Variants in ELAVL4 observed in about 807,000 individuals in gnomAD.
The protein encoded by ELAVL4 is ELAV-like protein 4.
In ELAVL4, 1 loss-of-function variant was observed where a neutral mutation model predicts 35.6. That is an observed-to-expected ratio of 0.03 (90% CI 0.01 to 0.13). The LOEUF is 0.13. Ranked by LOEUF, ELAVL4 falls within the 10% of genes least tolerant of loss-of-function variation. ELAVL4 has a pLI of 1.00. For missense variants in ELAVL4, 267 were observed against 464.9 expected (o/e 0.57, Z 3.91); for synonymous variants, 156 against 171.0 (o/e 0.91, Z 0.69).
At chr1:50,164,524 G>A (rs1262104120) in intron 2 of ELAVL4, among the ~76,000 whole-genome samples, 3 of 152,210 alleles carry the variant, frequency 2.0e-5, no homozygotes, top group African/African-American at 7.2e-5. Flanking sequence ...GGACTTTGAG[G>A]TCAGGCACAG....
chr1:50,118,294 G>A (rs147808679), intron 1 of ELAVL4, among the ~76,000 whole-genome samples: 3 of 152,046 alleles, frequency 2.0e-5, no homozygotes, highest in East Asian at 3.9e-4. Context: ...TGTTTCTCAC[G>A]GAATGGTGAA....
At chr1:50,121,049 T>C (rs1668947108) in intron 1 of ELAVL4, among the ~76,000 whole-genome samples, 1 of 152,096 alleles carries the variant, frequency 6.6e-6, no homozygotes, top group Non-Finnish European at 1.5e-5. Flanking sequence ...CAATGTCTAA[T>C]ACATAGTAAG....
At chr1:50,162,587 C>T (rs548746975) in intron 2 of ELAVL4, among the ~76,000 whole-genome samples, 4 of 152,108 alleles carry the variant, frequency 2.6e-5, no homozygotes, top group African/African-American at 9.6e-5. Context: ...GTTGTTGTTG[C>T]GTTGATGTTA....
intron 2 of ELAVL4, among the ~76,000 whole-genome samples, chr1:50,152,466 T>C (rs1438408078): frequency 6.6e-6 from 1 of 152,030 alleles, no homozygotes; most frequent in Admixed American, 6.6e-5. Flanking sequence ...CCCTTCTCTG[T>C]AGAATGCCCT....
chr1:50,154,421 G>C (rs940415363), intron 2 of ELAVL4, among the ~76,000 whole-genome samples: 1 of 152,104 alleles, frequency 6.6e-6, no homozygotes, highest in Non-Finnish European at 1.5e-5. Flanking sequence ...TGAGTTTTCT[G>C]CATGTCCCTT....
intron 1 of ELAVL4, among the ~76,000 whole-genome samples, chr1:50,087,012 A>G (rs1052867349): frequency 4.6e-5 from 7 of 152,132 alleles, no homozygotes; most frequent in Admixed American, 4.6e-4. Flanking sequence ...GGAGAATGCC[A>G]GTACTGAGGA....
intron 1 of ELAVL4, among the ~76,000 whole-genome samples, chr1:50,121,464 C>T (rs1432604356): frequency 6.6e-6 from 1 of 151,952 alleles, no homozygotes; most frequent in Admixed American, 6.6e-5. Context: ...TTGGGTGGTA[C>T]TTATTAAGGG....
intron 1 of ELAVL4, among the ~76,000 whole-genome samples, chr1:50,116,887 C>G (rs1668047613): frequency 6.6e-6 from 1 of 152,106 alleles, no homozygotes; most frequent in Non-Finnish European, 1.5e-5. Context: ...CATTAATTAT[C>G]TCTGTTGATG....
intron 1 of ELAVL4, among the ~76,000 whole-genome samples, chr1:50,129,105 T>G (rs1170604213): frequency 1.3e-5 from 2 of 151,948 alleles, no homozygotes; most frequent in Non-Finnish European, 2.9e-5. Flanking sequence ...TTATAAAAAA[T>G]TATTTTATTA....
intron 2 of ELAVL4, among the ~76,000 whole-genome samples, chr1:50,145,546 T>C (rs1673555527): frequency 6.6e-6 from 1 of 152,176 alleles, no homozygotes; most frequent in African/African-American, 2.4e-5. Context: ...TCATGTATTC[T>C]CCTCCTCTCA....
intron 1 of ELAVL4, among the ~76,000 whole-genome samples, chr1:50,112,371 G>A (rs1315419319): frequency 1.3e-5 from 2 of 152,070 alleles, no homozygotes; most frequent in East Asian, 3.9e-4. Flanking sequence ...TTGTAAAAAA[G>A]ACACGTGGTT....
chr1:50,103,338 A>G (rs1666089140), upstream of ELAVL4, among the ~76,000 whole-genome samples: 1 of 152,162 alleles, frequency 6.6e-6, no homozygotes, highest in South Asian at 2.1e-4. Context: ...TGAATTTCTG[A>G]TAGACTCCTT....
intron 1 of ELAVL4, among the ~76,000 whole-genome samples, chr1:50,050,314 T>G (rs1385354602): frequency 6.6e-6 from 1 of 152,122 alleles, no homozygotes; most frequent in Non-Finnish European, 1.5e-5. Context: ...CTCCTTGTAG[T>G]TGGGGAGGGA....
At position 50,201,348 on chromosome 1, in the gene ELAVL4, T is replaced by G; in HGVS notation, c.*170T>G. ...TAAGTATTAAAACATTGGATTATCC[T>G]GAGGTGTACCAGGAAAGGATTTTAT... On this transcript the variant is annotated 3_prime_UTR_variant, in exon 7 of 7. Transcript: ENST00000371824. The surrounding 1 kb of genome is among the most constrained non-coding windows in gnomAD (Gnocchi z 4.3). The G allele has an allele frequency of 8.7e-6, 6 of 687,898 alleles. No homozygotes were observed. 42.6% of individuals were successfully genotyped at this position (687,898 alleles called of 1,614,324 possible).
At chr1:50,106,108 A>T (rs1231902892), upstream of ELAVL4, among the ~76,000 whole-genome samples, 1 of 150,902 alleles carries the variant, frequency 6.6e-6, no homozygotes, top group East Asian at 1.9e-4. Context: ...GTGCTTTTGG[A>T]GAATTTGGTT....
upstream of ELAVL4, among the ~76,000 whole-genome samples, chr1:50,103,324 A>G (rs1388373813): frequency 6.6e-6 from 1 of 152,146 alleles, no homozygotes; most frequent in Non-Finnish European, 1.5e-5. Flanking sequence ...AGAACATTCG[A>G]CAGTGAATTT....
At chr1:50,135,677 T>G (rs910993837) in intron 1 of ELAVL4, among the ~76,000 whole-genome samples, 3 of 152,148 alleles carry the variant, frequency 2.0e-5, no homozygotes, top group Admixed American at 6.5e-5. Flanking sequence ...CTTCCCAGAG[T>G]AAATAGGTCT....
In ELAVL4 at chr1:50,109,015, T is replaced by TGGGGGGGGGGG; in HGVS notation, c.-175_-174insGGGGGGGGGGG. 1 of 961,046 alleles carries TGGGGGGGGGGG rather than the reference T, an allele frequency of 1.0e-6. No homozygotes were observed. The highest frequency in any genetic ancestry group is 1.2e-6 in the Non-Finnish European group (1 of 816,932). The allele number at this position is 961,046 out of a possible 1,614,324, so 59.5% of individuals were successfully genotyped here. On this transcript the variant is annotated 5_prime_UTR_variant, in exon 1 of 7. Transcript: ENST00000371824. ...GCTCCTTTTCTTTTTTTTCTTTCTC[T>TGGGGGGGGGGG]CCCCCGCCCACCCCCCCAAAAATAA...
intron 1 of ELAVL4, among the ~76,000 whole-genome samples, chr1:50,133,598 GA>G (rs558790758): frequency 4.5e-3 from 162 of 36,268 alleles, no homozygotes; most frequent in Non-Finnish European, 7.0e-3. Context: ...AAGAAAGAAA[GA>G]AAAGAAAGAA....
Sources: gnomAD v4.1 joint callset for allele counts (sites outside exome capture counted in the v4.1 genomes callset) on GRCh38, gnomAD v4.1.1 for gene constraint, Gnocchi (gnomAD v3.1) non-coding constraint, MANE v1.5 for transcripts, NCBI Gene and HGNC (gene_info 2026-07-23, HGNC 2026-07-21) for gene names.